The following SAMD12 variants were observed in gnomAD, a reference collection of about 807,000 sequenced individuals.
SAMD12 encodes sterile alpha motif domain-containing protein 12.
A neutral mutation model predicts 15.0 loss-of-function variants in SAMD12; 9 were observed. That is an observed-to-expected ratio of 0.60 (90% CI 0.36 to 1.05). The LOEUF is 1.05. SAMD12 is among the 50% of genes least tolerant of loss of function. The pLI is 0.01. For synonymous variants in SAMD12, 86 were observed against 90.1 expected (o/e 0.96, Z 0.25); for missense variants, 230 against 234.2 (o/e 0.98, Z 0.12).
intron 3 of SAMD12, among the ~76,000 whole-genome samples, chr8:118,396,308 T>C (rs1273920389): frequency 6.6e-6 from 1 of 152,164 alleles, no homozygotes; most frequent in Non-Finnish European, 1.5e-5. Context: ...AGGCAGTAAA[T>C]TAGAAAGTGT....
chr8:118,237,753 A>T (rs773763614), intron 4 of SAMD12, among the ~76,000 whole-genome samples: 12 of 152,162 alleles, frequency 7.9e-5, no homozygotes, highest in Middle Eastern at 3.2e-3. Flanking sequence ...AAAATCATGC[A>T]AATATAAGAA....
At chr8:118,236,771 T>C (rs1486194926) in intron 4 of SAMD12, among the ~76,000 whole-genome samples, 1 of 152,176 alleles carries the variant, frequency 6.6e-6, no homozygotes, top group Non-Finnish European at 1.5e-5. Context: ...TGTTATGCTT[T>C]AGGAGGCTGG....
chr8:118,160,145 G>A, the SAMD12 span, among the ~76,000 whole-genome samples: 1 of 152,038 alleles, frequency 6.6e-6, no homozygotes, highest in South Asian at 2.1e-4. Context: ...ATCCAACAAA[G>A]TAAAACTCAT....
chr8:118,566,975 C>A (rs1826870303), intron 2 of SAMD12, among the ~76,000 whole-genome samples: 1 of 152,148 alleles, frequency 6.6e-6, no homozygotes, highest in Admixed American at 6.5e-5. Flanking sequence ...AAAATATATA[C>A]ATGTTTTTTC....
chr8:118,473,419 G>A (rs1014630918), intron 2 of SAMD12, among the ~76,000 whole-genome samples: 6 of 152,086 alleles, frequency 3.9e-5, no homozygotes, highest in African/African-American at 7.2e-5. Flanking sequence ...TTAAAAACAC[G>A]GCACAGTCCC....
intron 1 of SAMD12, among the ~76,000 whole-genome samples, chr8:118,597,435 G>C (rs1827751704): frequency 6.6e-6 from 1 of 152,218 alleles, no homozygotes; most frequent in Admixed American, 6.5e-5. Context: ...AGGATTTAGA[G>C]AAACAGATGT....
chr8:118,335,944 C>CT (rs1817036555), intron 4 of SAMD12, among the ~76,000 whole-genome samples: 1 of 152,140 alleles, frequency 6.6e-6, no homozygotes, highest in South Asian at 2.1e-4. Context: ...AGGCTGGTCT[C>CT]TAACTCCTGG....
chr8:118,220,870 G>A (rs1812069136), intron 4 of SAMD12, among the ~76,000 whole-genome samples: 1 of 152,140 alleles, frequency 6.6e-6, no homozygotes, highest in African/African-American at 2.4e-5. Flanking sequence ...CAGTGATTAT[G>A]CAAATAGGCA....
At chr8:118,341,942 C>T (rs1363630022) in intron 4 of SAMD12, among the ~76,000 whole-genome samples, 3 of 152,208 alleles carry the variant, frequency 2.0e-5, no homozygotes, top group African/African-American at 7.2e-5. Flanking sequence ...AGAAATGGCC[C>T]ATGCCCACCA....
intron 4 of SAMD12, among the ~76,000 whole-genome samples, chr8:118,333,851 C>T (rs1331441571): frequency 3.7e-5 from 5 of 136,156 alleles, no homozygotes; most frequent in African/African-American, 1.1e-4. Context: ...TGGCGGGGGG[C>T]GGGGGTATGT....
intron 1 of SAMD12, among the ~76,000 whole-genome samples, chr8:118,602,979 C>T (rs1361637749): frequency 2.0e-5 from 3 of 152,044 alleles, no homozygotes; most frequent in Non-Finnish European, 2.9e-5. Flanking sequence ...AGAAACATTA[C>T]ATCCACAAAA....
rs1280295004 is a variant in SAMD12, at chr8:118,291,768, C to G, written c.433+87792G>C. Among the ~76,000 whole-genome samples the G allele has an allele frequency of 2.0e-5, 3 of 151,522 alleles. No homozygotes were observed. The South Asian group carries it at 6.3e-4, about 32-fold the overall frequency. On this transcript the variant is annotated intron_variant, in intron 4 of 4. Transcript: ENST00000409003. ...CTGTCATGTGTTTTCTCGGTTGAAG[C>G]CACAAGCTGCTTCCTGTTGCCCTGA...
At chr8:118,364,006 T>G (rs1167127352) in intron 4 of SAMD12, among the ~76,000 whole-genome samples, 1 of 152,238 alleles carries the variant, frequency 6.6e-6, no homozygotes, top group Non-Finnish European at 1.5e-5. Context: ...AACTAGTATC[T>G]AATGCTAATG....
chr8:118,146,320 G>A, the SAMD12 span, among the ~76,000 whole-genome samples: 16 of 152,166 alleles, frequency 1.1e-4, no homozygotes, highest in Non-Finnish European at 1.6e-4. Context: ...CACATTGCAG[G>A]GAGGTGATAG....
intron 4 of SAMD12, among the ~76,000 whole-genome samples, chr8:118,301,719 G>C (rs572209992): frequency 6.6e-6 from 1 of 152,276 alleles, no homozygotes; most frequent in South Asian, 2.1e-4. Flanking sequence ...AAGTCTTACA[G>C]GCTCCTGAAC....
chr8:118,562,821 G>T (rs931518870), intron 2 of SAMD12, among the ~76,000 whole-genome samples: 15 of 152,170 alleles, frequency 9.9e-5, no homozygotes, highest in Admixed American at 1.3e-4. Flanking sequence ...TTTTGATGTT[G>T]CCCTTTGATG....
At chr8:118,517,031 TAAGAA>T (rs759690517) in intron 2 of SAMD12, among the ~76,000 whole-genome samples, 3 of 152,214 alleles carry the variant, frequency 2.0e-5, no homozygotes, top group Non-Finnish European at 4.4e-5. Flanking sequence ...AAAACAGTTC[TAAGAA>T]AATGGAGAAT....
intron 4 of SAMD12, among the ~76,000 whole-genome samples, chr8:118,274,563 C>T (rs1042543650): frequency 6.6e-5 from 10 of 152,170 alleles, no homozygotes; most frequent in Non-Finnish European, 1.3e-4. Flanking sequence ...GATTCCATCC[C>T]TCCCATGCTC....
intron 3 of SAMD12, among the ~76,000 whole-genome samples, chr8:118,384,841 G>A (rs1819866308): frequency 6.6e-6 from 1 of 152,170 alleles, no homozygotes; most frequent in Non-Finnish European, 1.5e-5. Context: ...GGTAAGGTAA[G>A]CATAGGCATA....
Sources: allele counts gnomAD v4.1 joint callset (sites outside exome capture counted in the v4.1 genomes callset), GRCh38; gene constraint gnomAD v4.1.1; transcripts MANE v1.5; gene names NCBI Gene and HGNC (gene_info 2026-07-23, HGNC 2026-07-21).